Variants in TENM2 observed in about 807,000 individuals in gnomAD.
TENM2 encodes the protein teneurin transmembrane protein 2, also known as teneurin-2.
Under a neutral mutation model 245.2 loss-of-function variants are expected in TENM2, and 52 were observed. That is an observed-to-expected ratio of 0.21 (90% CI 0.17 to 0.27). TENM2 has a LOEUF of 0.27. TENM2 is among the 10% of genes least tolerant of loss of function. TENM2 has a pLI of 1.00. For synonymous variants in TENM2, 1,363 were observed against 1,438.9 expected, an observed-to-expected ratio of 0.95 and a Z score of 1.19; for missense variants, 3,046 against 3,666.8, an observed-to-expected ratio of 0.83 and a Z score of 4.37.
chr5:168,169,277 A>G (rs1229588374), intron 13 of TENM2, among the ~76,000 whole-genome samples: 1 of 152,222 alleles, frequency 6.6e-6, no homozygotes, highest in African/African-American at 2.4e-5. Flanking sequence ...ACTAGCAGTT[A>G]CTGCAGTTCC....
chr5:167,661,979 A>G (rs1055148904), intron 2 of TENM2, among the ~76,000 whole-genome samples: 1 of 152,252 alleles, frequency 6.6e-6, no homozygotes, highest in South Asian at 2.1e-4. Context: ...GCAACCAATC[A>G]TTGTGGTCAT....
At chr5:167,577,263 C>T (rs1370418687) in intron 2 of TENM2, among the ~76,000 whole-genome samples, 1 of 152,118 alleles carries the variant, frequency 6.6e-6, no homozygotes, top group African/African-American at 2.4e-5. Flanking sequence ...GAGAGGGGGA[C>T]GTAGGGTATT....
At chr5:166,981,001 T>G in the TENM2 span, among the ~76,000 whole-genome samples, 1 of 152,212 alleles carries the variant, frequency 6.6e-6, no homozygotes, top group African/African-American at 2.4e-5. Context: ...TAACTAATGT[T>G]GGAAGAACTA....
intron 2 of TENM2, among the ~76,000 whole-genome samples, chr5:167,844,680 C>T (rs1461134396): frequency 2.0e-5 from 3 of 152,070 alleles, no homozygotes; most frequent in African/African-American, 4.8e-5. Context: ...GGACATTTTC[C>T]GTTTAACAAT....
At chr5:167,325,462 T>C (rs909928151) in intron 1 of TENM2, among the ~76,000 whole-genome samples, 2 of 152,200 alleles carry the variant, frequency 1.3e-5, no homozygotes, top group Non-Finnish European at 2.9e-5. Context: ...GGAAGTATGC[T>C]AGTTCCTGCA....
At chr5:167,487,934 G>A (rs1287669296) in intron 2 of TENM2, among the ~76,000 whole-genome samples, 1 of 152,224 alleles carries the variant, frequency 6.6e-6, no homozygotes, top group East Asian at 1.9e-4. Context: ...GTCATAGAAG[G>A]TATAATTTAT....
At chr5:167,130,586 C>G in the TENM2 span, among the ~76,000 whole-genome samples, 1 of 152,144 alleles carries the variant, frequency 6.6e-6, no homozygotes, top group Admixed American at 6.5e-5. Context: ...CTTCAGTTTC[C>G]CATCCGAAGA....
intron 2 of TENM2, among the ~76,000 whole-genome samples, chr5:167,428,804 G>A (rs1318748290): frequency 6.6e-6 from 1 of 152,176 alleles, no homozygotes; most frequent in Non-Finnish European, 1.5e-5. Flanking sequence ...GCCGAGCTCA[G>A]TGCATAGAGA....
the TENM2 span, among the ~76,000 whole-genome samples, chr5:167,159,986 G>A: frequency 6.6e-6 from 1 of 152,206 alleles, no homozygotes; most frequent in Non-Finnish European, 1.5e-5. Flanking sequence ...TCAAAAGGTG[G>A]AAGTCAATCC....
the TENM2 span, among the ~76,000 whole-genome samples, chr5:167,080,357 A>G: frequency 6.6e-6 from 1 of 152,208 alleles, no homozygotes; most frequent in Non-Finnish European, 1.5e-5. Flanking sequence ...AGTGCTGAGG[A>G]CCTAAAAAGG....
chr5:167,410,903 G>T (rs1049558295), intron 2 of TENM2, among the ~76,000 whole-genome samples: 1 of 152,108 alleles, frequency 6.6e-6, no homozygotes, highest in African/African-American at 2.4e-5. Flanking sequence ...ACTCCTGCAT[G>T]TAGTTTAGTG....
intron 4 of TENM2, among the ~76,000 whole-genome samples, chr5:167,969,176 A>G (rs969872030): frequency 3.9e-5 from 6 of 152,112 alleles, no homozygotes; most frequent in Admixed American, 2.0e-4. Context: ...TGACACCCAA[A>G]TCTCATCTTG....
At chr5:167,130,967 T>TCAAA in the TENM2 span, among the ~76,000 whole-genome samples, 1 of 149,700 alleles carries the variant, frequency 6.7e-6, no homozygotes, top group Non-Finnish European at 1.5e-5. Context: ...TGTGTGTTGG[T>TCAAA]TAGCTGCTGC....
At chr5:167,896,620 G>A (rs1775247909) in intron 3 of TENM2, among the ~76,000 whole-genome samples, 1 of 152,138 alleles carries the variant, frequency 6.6e-6, no homozygotes, top group African/African-American at 2.4e-5. Flanking sequence ...CCAATACAAA[G>A]GTGGAAATGT....
intron 7 of TENM2, among the ~76,000 whole-genome samples, chr5:168,080,133 T>C (rs1233426540): frequency 6.6e-6 from 1 of 152,240 alleles, no homozygotes; most frequent in Non-Finnish European, 1.5e-5. Flanking sequence ...ATTCAGGGAA[T>C]CAACTTCTTC....
chr5:167,132,294 A>C, the TENM2 span, among the ~76,000 whole-genome samples: 1 of 151,914 alleles, frequency 6.6e-6, no homozygotes, highest in Admixed American at 6.6e-5. Context: ...CATCACATAG[A>C]CTCTCTCCCA....
the TENM2 span, among the ~76,000 whole-genome samples, chr5:167,065,273 G>T: frequency 6.6e-6 from 1 of 152,006 alleles, no homozygotes; most frequent in Non-Finnish European, 1.5e-5. Flanking sequence ...TAATCTAACA[G>T]CTTGATCTAT....
At chr5:168,180,182 A>G (rs780051436) in intron 13 of TENM2, among the ~76,000 whole-genome samples, 10 of 152,214 alleles carry the variant, frequency 6.6e-5, no homozygotes, top group Non-Finnish European at 1.5e-4. Context: ...AAAGCCCCCA[A>G]ACCTAGAGCC....
At chr5:167,351,815 G>A (rs1028668765) in intron 1 of TENM2, among the ~76,000 whole-genome samples, 3 of 151,510 alleles carry the variant, frequency 2.0e-5, no homozygotes, top group African/African-American at 4.9e-5. Flanking sequence ...GGAGGCTATC[G>A]CAGAGTCCCC....
Sources: allele counts gnomAD v4.1 joint callset (sites outside exome capture counted in the v4.1 genomes callset), GRCh38; gene constraint gnomAD v4.1.1; transcripts MANE v1.5; gene names NCBI Gene and HGNC (gene_info 2026-07-23, HGNC 2026-07-21).